The following SYT1 variants were observed in gnomAD, a reference collection of about 807,000 sequenced individuals.
SYT1 encodes the protein synaptotagmin 1, also known as synaptotagmin-1.
A neutral mutation model predicts 44.8 loss-of-function variants in SYT1; 8 were observed. That is an observed-to-expected ratio of 0.18 (90% CI 0.10 to 0.32). The LOEUF (loss-of-function observed/expected upper bound fraction) is 0.32, where lower values mean the gene tolerates loss of function less well. SYT1 is among the 10% of genes least tolerant of loss of function. The probability of loss-of-function intolerance (pLI) is 1.00; values close to 1 mark genes in which losing one functional copy is unlikely to be tolerated. For missense variants in SYT1, 286 were observed against 509.3 expected, an observed-to-expected ratio of 0.56 and a Z score of 4.22; for synonymous variants, 154 against 188.8, an observed-to-expected ratio of 0.82 and a Z score of 1.51.
At chr12:79,058,108 T>A (rs1875103812) in intron 3 of SYT1, among the ~76,000 whole-genome samples, 1 of 151,980 alleles carries the variant, frequency 6.6e-6, no homozygotes, top group Admixed American at 6.6e-5. Flanking sequence ...CAAAGCCAGA[T>A]TTGTCATTAA....
chr12:78,989,483 C>A (rs1869874801), intron 2 of SYT1, among the ~76,000 whole-genome samples: 1 of 152,064 alleles, frequency 6.6e-6, no homozygotes, highest in Admixed American at 6.6e-5. Flanking sequence ...CCTAGCCCCC[C>A]CGTTCCCAGA....
At chr12:79,313,027 G>T (rs1880887577) in intron 8 of SYT1, among the ~76,000 whole-genome samples, 1 of 152,192 alleles carries the variant, frequency 6.6e-6, no homozygotes, top group Non-Finnish European at 1.5e-5. Flanking sequence ...AGCTGAGGAA[G>T]AAACTTAATT....
chr12:79,184,086 C>G (rs563012007), intron 3 of SYT1, among the ~76,000 whole-genome samples: 15 of 152,044 alleles, frequency 9.9e-5, no homozygotes, highest in African/African-American at 3.6e-4. Context: ...CCCATTCTGT[C>G]ATTATGTTGC....
At chr12:79,421,451 C>T (rs955475600) in intron 9 of SYT1, among the ~76,000 whole-genome samples, 2 of 152,056 alleles carry the variant, frequency 1.3e-5, no homozygotes, top group Non-Finnish European at 2.9e-5. Flanking sequence ...CACTGGAGTT[C>T]AAAGGTCACA....
chr12:79,348,895 CAA>C (rs967847018), intron 8 of SYT1, among the ~76,000 whole-genome samples: 13 of 50,522 alleles, frequency 2.6e-4, no homozygotes, highest in African/African-American at 9.8e-4. Context: ...TGAAAAAAGA[CAA>C]AGAAAGAAAG....
In SYT1 at chr12:78,911,010, T is replaced by C. The variant is rs1195878555; in HGVS notation, c.-217+45901T>C. ...TCATGCAGGGCCTTTTAGATTATGG[T>C]GAGATTTTGTTTAAGAGTAATGGAA... On this transcript the variant is annotated intron_variant, in intron 1 of 10. Coordinates refer to ENST00000261205, the MANE Select transcript of SYT1 (RefSeq NM_005639.3). Among the ~76,000 whole-genome samples the C allele has an allele frequency of 2.6e-5, 4 of 151,972 alleles. No homozygotes were observed. In the East Asian group the frequency reaches 7.8e-4, roughly 30 times the overall value.
chr12:79,412,233 C>G (rs79000804), intron 9 of SYT1, among the ~76,000 whole-genome samples: 8,235 of 152,106 alleles, frequency 0.054, 501 homozygotes, highest in East Asian at 0.21. Flanking sequence ...CACAGTGGCC[C>G]GCCAGTGCTT....
chr12:79,317,140 A>C (rs1881128896), intron 8 of SYT1, among the ~76,000 whole-genome samples: 1 of 152,170 alleles, frequency 6.6e-6, no homozygotes. Context: ...TGTTTACAGA[A>C]CCGTTTAAAA....
intron 9 of SYT1, among the ~76,000 whole-genome samples, chr12:79,403,337 T>G (rs1285558144): frequency 6.6e-6 from 1 of 151,920 alleles, no homozygotes; most frequent in East Asian, 1.9e-4. Context: ...ATTTTAGAGT[T>G]TGGCAAGTCC....
At chr12:79,156,633 A>G (rs1870615730) in intron 3 of SYT1, among the ~76,000 whole-genome samples, 1 of 151,838 alleles carries the variant, frequency 6.6e-6, no homozygotes, top group African/African-American at 2.4e-5. Context: ...ATGCCTGGCT[A>G]ATTTTTTGTA....
At chr12:79,209,512 A>T (rs1874316301) in intron 3 of SYT1, among the ~76,000 whole-genome samples, 1 of 152,240 alleles carries the variant, frequency 6.6e-6, no homozygotes. Flanking sequence ...CTGATCCTGC[A>T]GTGTCCTTCA....
chr12:79,364,311 A>G (rs1436635516), intron 9 of SYT1, among the ~76,000 whole-genome samples: 1 of 151,908 alleles, frequency 6.6e-6, no homozygotes, highest in Non-Finnish European at 1.5e-5. Flanking sequence ...AAATGCACAC[A>G]TTACTGTAGT....
chr12:78,895,573 C>A (rs1362217018), intron 1 of SYT1, among the ~76,000 whole-genome samples: 1 of 151,332 alleles, frequency 6.6e-6, no homozygotes, highest in Non-Finnish European at 1.5e-5. Context: ...AACACAATTC[C>A]ATTTGTTGTT....
At chr12:79,220,189 A>G (rs1177179116) in intron 4 of SYT1, among the ~76,000 whole-genome samples, 3 of 152,034 alleles carry the variant, frequency 2.0e-5, no homozygotes, top group Non-Finnish European at 4.4e-5. Context: ...TTTCTTGGTT[A>G]TCCAATTTGT....
intron 4 of SYT1, among the ~76,000 whole-genome samples, chr12:79,245,930 AGC>A (rs1318699144): frequency 1.2e-4 from 18 of 152,188 alleles, no homozygotes; most frequent in Non-Finnish European, 2.2e-4. Flanking sequence ...ATGTGGCCTG[AGC>A]AGGGCATAAT....
chr12:79,022,158 A>G (rs1345005298), intron 2 of SYT1, among the ~76,000 whole-genome samples: 1 of 151,762 alleles, frequency 6.6e-6, no homozygotes, highest in Non-Finnish European at 1.5e-5. Context: ...GCTGAAAACT[A>G]TTGAGAGAAG....
intron 4 of SYT1, among the ~76,000 whole-genome samples, chr12:79,270,159 T>C (rs1307218265): frequency 6.6e-6 from 1 of 152,182 alleles, no homozygotes; most frequent in Non-Finnish European, 1.5e-5. Context: ...TTGAAAAAGA[T>C]TTTTTGTGCT....
At chr12:79,032,677 T>A (rs374933963) in intron 2 of SYT1, among the ~76,000 whole-genome samples, 1 of 151,352 alleles carries the variant, frequency 6.6e-6, no homozygotes, top group Non-Finnish European at 1.5e-5. Flanking sequence ...ATGTGATAGA[T>A]GGTGTTACAA....
intron 2 of SYT1, among the ~76,000 whole-genome samples, chr12:79,012,683 T>A (rs1013328164): frequency 5.3e-5 from 8 of 152,142 alleles, no homozygotes; most frequent in African/African-American, 1.7e-4. Flanking sequence ...TGGTTCCTTG[T>A]GAAGTGTGTA....
Sources: allele counts gnomAD v4.1 joint callset (sites outside exome capture counted in the v4.1 genomes callset), GRCh38; gene constraint gnomAD v4.1.1; transcripts MANE v1.5; gene names NCBI Gene and HGNC (gene_info 2026-07-23, HGNC 2026-07-21).